The following MAD1L1 variants were observed in gnomAD, a reference collection of about 807,000 sequenced individuals.
MAD1L1 encodes mitotic arrest deficient 1 like 1, also known as mitotic spindle assembly checkpoint protein MAD1.
A neutral mutation model predicts 96.9 loss-of-function variants in MAD1L1; 95 were observed. That is an observed-to-expected ratio of 0.98 (90% CI 0.83 to 1.16). The LOEUF is 1.16. Ranked by LOEUF, MAD1L1 falls within the 50% of genes most tolerant of loss-of-function variation. MAD1L1 has a pLI of 0.00. For synonymous variants in MAD1L1, 473 were observed against 396.6 expected, an observed-to-expected ratio of 1.19 and a Z score of -2.29; for missense variants, 1,007 against 954.4, an observed-to-expected ratio of 1.06 and a Z score of -0.73.
At chr7:1,897,721 G>A (rs1318444903) in intron 18 of MAD1L1, among the ~76,000 whole-genome samples, 1 of 152,230 alleles carries the variant, frequency 6.6e-6, no homozygotes, top group East Asian at 1.9e-4. Context: ...GTAGAGATGC[G>A]GCTGGCTCTC....
At chr7:2,000,071 A>ACC (rs988390425) in intron 14 of MAD1L1, among the ~76,000 whole-genome samples, 5 of 151,982 alleles carry the variant, frequency 3.3e-5, no homozygotes, top group African/African-American at 9.7e-5. Flanking sequence ...GGCACCTCTG[A>ACC]CCCCAGGGCA....
intron 11 of MAD1L1, among the ~76,000 whole-genome samples, chr7:2,131,349 TACGCACC>T (rs1788501689): frequency 6.6e-6 from 1 of 152,108 alleles, no homozygotes; most frequent in African/African-American, 2.4e-5. Flanking sequence ...AAAAATGGCT[TACGCACC>T]ATAAAATCAG....
chr7:1,925,484 G>A (rs1222013740), intron 17 of MAD1L1, among the ~76,000 whole-genome samples: 1 of 152,182 alleles, frequency 6.6e-6, no homozygotes. Flanking sequence ...TTCTGGCAAG[G>A]GCTTTCCTGA....
At chr7:1,974,281 G>A (rs1780533067) in intron 15 of MAD1L1, among the ~76,000 whole-genome samples, 3 of 152,214 alleles carry the variant, frequency 2.0e-5, no homozygotes, top group African/African-American at 4.8e-5. Flanking sequence ...GAGAAGCACA[G>A]GGCAAACCCA....
At chr7:1,886,178 G>A (rs1583656086) in intron 18 of MAD1L1, among the ~76,000 whole-genome samples, 2 of 152,352 alleles carry the variant, frequency 1.3e-5, no homozygotes, top group Non-Finnish European at 1.5e-5. Flanking sequence ...CTCTGGGCCT[G>A]GAATGGCACA....
chr7:1,871,123 T>G (rs556192135), intron 18 of MAD1L1, among the ~76,000 whole-genome samples: 2 of 142,830 alleles, frequency 1.4e-5, no homozygotes, highest in South Asian at 4.6e-4. Flanking sequence ...CCTGCCACAC[T>G]GAACCCAACA....
intron 11 of MAD1L1, among the ~76,000 whole-genome samples, chr7:2,127,523 G>C (rs1035577042): frequency 4.6e-5 from 7 of 152,158 alleles, no homozygotes; most frequent in African/African-American, 1.7e-4. Context: ...ACACCGACCG[G>C]TAGGAAAGAC....
chr7:2,026,838 C>T lies in MAD1L1; in HGVS notation c.1219-12196G>A, dbSNP rs144772349. Among the ~76,000 whole-genome samples, 35 of 152,178 alleles carry T rather than the reference C, an allele frequency of 2.3e-4. 1 individual carries two copies. In the East Asian group the frequency reaches 6.7e-3, roughly 29 times the overall value. ...CTGTAACACAAGAAAGGATAAATAT[C>T]AATTATCTACATATACAACTCAAAA... On this transcript the variant is annotated intron_variant, in intron 12 of 18. Transcript: ENST00000265854.
At chr7:2,034,218 C>T (rs1256827031) in intron 12 of MAD1L1, among the ~76,000 whole-genome samples, 1 of 145,116 alleles carries the variant, frequency 6.9e-6, no homozygotes, top group African/African-American at 2.8e-5. Context: ...AATAAAGAGT[C>T]TCCTTTTTTT....
chr7:1,987,189 C>T (rs1781190985), intron 14 of MAD1L1, among the ~76,000 whole-genome samples: 1 of 152,240 alleles, frequency 6.6e-6, no homozygotes, highest in South Asian at 2.1e-4. Flanking sequence ...TCTGTGACCG[C>T]ACCCTCTACT....
At chr7:1,997,092 G>A (rs1304918709) in intron 14 of MAD1L1, among the ~76,000 whole-genome samples, 1 of 152,160 alleles carries the variant, frequency 6.6e-6, no homozygotes, top group Non-Finnish European at 1.5e-5. Flanking sequence ...AACATGAATT[G>A]TACTTATGCT....
At chr7:1,887,936 C>T (rs13438766) in intron 18 of MAD1L1, among the ~76,000 whole-genome samples, 97,446 of 139,966 alleles carry the variant, frequency 0.7, 33,657 homozygotes, top group African/African-American at 0.83. Flanking sequence ...TGCCTGTGCA[C>T]GTGTGTGTAT....
rs1029936031 is a variant in MAD1L1 at position 2,201,551 on chromosome 7, T to C, written c.986+11661A>G. On this transcript the variant is annotated intron_variant, in intron 10 of 18. Transcript: ENST00000265854. ...CTGGAACCTACGGCAGCCGGACTTG[T>C]CTAAAGCCTGTCACTCTGGCCTTAG... is the stretch of plus-strand genomic sequence containing the variant. Among the ~76,000 whole-genome samples the C allele has an allele frequency of 3.3e-5, 5 of 152,190 alleles. No homozygotes were observed. The South Asian group carries it at 6.2e-4, about 19-fold the overall frequency.
At chr7:1,854,573 C>T (rs755000966) in intron 18 of MAD1L1, among the ~76,000 whole-genome samples, 16 of 152,184 alleles carry the variant, frequency 1.1e-4, no homozygotes, top group Non-Finnish European at 1.9e-4. Flanking sequence ...ATCCCATTCA[C>T]GAGGGCCCCA....
intron 16 of MAD1L1, among the ~76,000 whole-genome samples, chr7:1,955,777 G>A (rs1435315779): frequency 3.3e-5 from 5 of 152,148 alleles, no homozygotes; most frequent in African/African-American, 1.2e-4. Context: ...GGCTATAGGT[G>A]TGTTTTTAGG....
chr7:1,836,343 G>C (rs1055899597), intron 18 of MAD1L1, among the ~76,000 whole-genome samples: 15 of 152,304 alleles, frequency 9.8e-5, no homozygotes, highest in African/African-American at 3.6e-4. Context: ...TTTCATGGCT[G>C]TCTTGGTTTT....
chr7:2,045,301 T>A (rs1038022144), intron 12 of MAD1L1, among the ~76,000 whole-genome samples: 1 of 151,950 alleles, frequency 6.6e-6, no homozygotes, highest in Non-Finnish European at 1.5e-5. Flanking sequence ...CCCCGTGAGA[T>A]ACCCCACGTC....
At chr7:2,222,169 G>T (rs1053801393) in intron 5 of MAD1L1, among the ~76,000 whole-genome samples, 1 of 151,806 alleles carries the variant, frequency 6.6e-6, no homozygotes, top group Admixed American at 6.6e-5. Flanking sequence ...CACCTCCTGG[G>T]TTCAAGCGAT....
At chr7:1,844,471 G>A (rs1005080615) in intron 18 of MAD1L1, among the ~76,000 whole-genome samples, 5 of 152,124 alleles carry the variant, frequency 3.3e-5, no homozygotes, top group Admixed American at 6.5e-5. Flanking sequence ...GACGGCATTC[G>A]AGGTCCCACC....
Sources: allele counts gnomAD v4.1 joint callset (sites outside exome capture counted in the v4.1 genomes callset), GRCh38; gene constraint gnomAD v4.1.1; transcripts MANE v1.5; gene names NCBI Gene and HGNC (gene_info 2026-07-23, HGNC 2026-07-21).